The following PCDH9 variants were observed in gnomAD, a reference collection of about 807,000 sequenced individuals.
PCDH9 encodes protocadherin-9.
In PCDH9, 24 loss-of-function variants were observed where a neutral mutation model predicts 70.6. That is an observed-to-expected ratio of 0.34 (90% CI 0.25 to 0.48). PCDH9 has a LOEUF of 0.48. Among genes scored for constraint, PCDH9 ranks in the 20% least tolerant of loss-of-function variants. PCDH9 has a pLI of 0.99. For synonymous variants in PCDH9, 562 were observed against 558.5 expected, an observed-to-expected ratio of 1.01 and a Z score of -0.09; for missense variants, 1,281 against 1,503.6, an observed-to-expected ratio of 0.85 and a Z score of 2.45.
chr13:66,604,828 C>A (rs2077203505), intron 4 of PCDH9, among the ~76,000 whole-genome samples: 1 of 151,466 alleles, frequency 6.6e-6, no homozygotes, highest in Non-Finnish European at 1.5e-5. Context: ...ATAACTTTTC[C>A]CAACGAGATC....
chr13:66,768,139 G>T (rs1272662906), intron 3 of PCDH9, among the ~76,000 whole-genome samples: 1 of 152,026 alleles, frequency 6.6e-6, no homozygotes, highest in South Asian at 2.1e-4. Context: ...TCTGTATGTG[G>T]TTTTTGTATA....
chr13:66,956,898 G>A (rs2083273337), intron 2 of PCDH9, among the ~76,000 whole-genome samples: 1 of 151,996 alleles, frequency 6.6e-6, no homozygotes, highest in Non-Finnish European at 1.5e-5. Flanking sequence ...TTTTTAATTT[G>A]GGCTGGCATT....
intron 2 of PCDH9, among the ~76,000 whole-genome samples, chr13:67,178,062 C>G (rs2088512424): frequency 6.6e-6 from 1 of 152,042 alleles, no homozygotes. Flanking sequence ...AATATACAAA[C>G]AGGCACTAAA....
At chr13:66,907,851 T>C (rs986305810) in intron 2 of PCDH9, among the ~76,000 whole-genome samples, 9 of 152,178 alleles carry the variant, frequency 5.9e-5, no homozygotes, top group African/African-American at 1.9e-4. Flanking sequence ...TAAAAATCAA[T>C]AGCACTTTCA....
intron 3 of PCDH9, among the ~76,000 whole-genome samples, chr13:66,864,493 A>T (rs75164392): frequency 0.029 from 4,412 of 152,302 alleles, 219 homozygotes; most frequent in African/African-American, 0.098. Flanking sequence ...TTAATAACAG[A>T]TGTGATTGTG....
At chr13:66,395,192 G>C (rs919576046) in intron 4 of PCDH9, among the ~76,000 whole-genome samples, 2 of 152,068 alleles carry the variant, frequency 1.3e-5, no homozygotes, top group Admixed American at 6.5e-5. Flanking sequence ...AAAAAGTAGA[G>C]GTACTCCTCA....
chr13:66,859,256 T>C (rs2081443092), intron 3 of PCDH9: 1 of 152,190 alleles, frequency 6.6e-6, no homozygotes, highest in African/African-American at 2.4e-5. Context: ...CACTCGAGAC[T>C]CTACTCCACC....
intron 2 of PCDH9, among the ~76,000 whole-genome samples, chr13:67,020,472 A>G (rs2084653240): frequency 6.6e-6 from 1 of 152,226 alleles, no homozygotes; most frequent in South Asian, 2.1e-4. Context: ...TGGGCCAGGT[A>G]GGACTGAACC....
chr13:66,335,363 T>C lies in PCDH9; in HGVS notation c.3341-30335A>G, dbSNP rs372086189. Among the ~76,000 whole-genome samples, 174 of 152,290 alleles carry C rather than the reference T, an allele frequency of 1.1e-3. 5 individuals carry two copies. The South Asian group carries it at 0.035, about 31-fold the overall frequency. ...GCTCTGACATTTTCTACATGCTTAA[T>C]AATATTTAGGTATTTCGTAGCTTGT... On this transcript the variant is annotated intron_variant, in intron 4 of 4. Transcript: ENST00000377865.
chr13:66,936,255 G>A (rs1233703578), intron 2 of PCDH9, among the ~76,000 whole-genome samples: 1 of 152,120 alleles, frequency 6.6e-6, no homozygotes, highest in Non-Finnish European at 1.5e-5. Flanking sequence ...TATAATGCAA[G>A]ATACAGCTTA....
chr13:66,581,481 C>T (rs1408829451), intron 4 of PCDH9, among the ~76,000 whole-genome samples: 1 of 152,102 alleles, frequency 6.6e-6, no homozygotes, highest in Non-Finnish European at 1.5e-5. Flanking sequence ...CCCTGAAGTA[C>T]AATGTTATCA....
chr13:66,493,556 G>C lies in PCDH9; in HGVS notation c.3340+137654C>G, dbSNP rs117136866. Among the ~76,000 whole-genome samples, 1,053 of 152,152 alleles carry C rather than the reference G, an allele frequency of 6.9e-3. 34 individuals are homozygous for C. In the East Asian group the frequency reaches 0.091, roughly 13 times the overall value. Reference sequence around the variant, plus strand: ...AAAATTATTTTAAACCATGAAATGTGATTGGTCAACAAAAAGCAGAATAAA... The same window carrying C: ...AAAATTATTTTAAACCATGAAATGTCATTGGTCAACAAAAAGCAGAATAAA... On this transcript the variant is annotated intron_variant, in intron 4 of 4. Transcript: ENST00000377865.
At chr13:66,630,894 G>A (rs1257172296) in intron 4 of PCDH9, 2 of 211,812 alleles carry the variant, frequency 9.4e-6, no homozygotes, top group Admixed American at 5.4e-5. Flanking sequence ...TATTTTTGCA[G>A]TTCTAAAATG....
chr13:67,081,998 A>G (rs1412220903), intron 2 of PCDH9, among the ~76,000 whole-genome samples: 1 of 152,178 alleles, frequency 6.6e-6, no homozygotes, highest in Non-Finnish European at 1.5e-5. Context: ...ATAAATGTAC[A>G]CTTGTAAAAC....
At chr13:66,535,306 A>AG (rs1385548948) in intron 4 of PCDH9, among the ~76,000 whole-genome samples, 1 of 152,086 alleles carries the variant, frequency 6.6e-6, no homozygotes, top group Admixed American at 6.6e-5. Flanking sequence ...GGAATTATAC[A>AG]GGAATAAAAT....
chr13:66,639,865 GC>G (rs932905098), intron 3 of PCDH9, among the ~76,000 whole-genome samples: 1 of 151,998 alleles, frequency 6.6e-6, no homozygotes, highest in African/African-American at 2.4e-5. Context: ...ATTTCTCATT[GC>G]CCAGTAGGAA....
chr13:66,555,987 C>T lies in PCDH9; in HGVS notation c.3340+75223G>A, dbSNP rs1961723945. Among the ~76,000 whole-genome samples, 6 of 147,894 alleles carry T rather than the reference C, an allele frequency of 4.1e-5. 1 individual carries two copies. The Admixed American group carries it at 4.1e-4, about 10-fold the overall frequency. On this transcript the variant is annotated intron_variant, in intron 4 of 4. Coordinates refer to ENST00000377865, the MANE Select transcript of PCDH9 (RefSeq NM_203487.3). ...ATTTTATATATATAAAATAAATATGCTGAAAAGTGTCTTTATTTCTACTGA... is the reference window on the plus strand; with the variant it reads ...ATTTTATATATATAAAATAAATATGTTGAAAAGTGTCTTTATTTCTACTGA...
intron 4 of PCDH9, among the ~76,000 whole-genome samples, chr13:66,314,235 T>G (rs146034107): frequency 1.3e-5 from 2 of 152,232 alleles, no homozygotes; most frequent in African/African-American, 4.8e-5. Flanking sequence ...CTTCGCTCCT[T>G]TCCCAGTGGT....
intron 3 of PCDH9, among the ~76,000 whole-genome samples, chr13:66,850,841 C>T (rs189769233): frequency 1.3e-3 from 202 of 152,256 alleles, no homozygotes; most frequent in African/African-American, 4.5e-3. Flanking sequence ...TTTGAAAATA[C>T]GCCCAGCTGA....
Sources: allele counts gnomAD v4.1 joint callset (sites outside exome capture counted in the v4.1 genomes callset), GRCh38; gene constraint gnomAD v4.1.1; transcripts MANE v1.5; gene names NCBI Gene and HGNC (gene_info 2026-07-23, HGNC 2026-07-21).